The following SFMBT2 variants were observed in gnomAD, a reference collection of about 807,000 sequenced individuals.
SFMBT2 encodes the protein scm-like with four MBT domains protein 2.
Under a neutral mutation model 110.1 loss-of-function variants are expected in SFMBT2, and 38 were observed. That is an observed-to-expected ratio of 0.35 (90% CI 0.27 to 0.45). The LOEUF (loss-of-function observed/expected upper bound fraction) is 0.45. Among genes scored for constraint, SFMBT2 ranks in the 20% least tolerant of loss-of-function variants. The pLI, the probability that SFMBT2 is intolerant of heterozygous loss-of-function variation, is 1.00. For synonymous variants in SFMBT2, 425 were observed against 425.4 expected (o/e 1.00, Z 0.01); for missense variants, 1,011 against 1,094.9 (o/e 0.92, Z 1.08).
chr10:7,239,215 T>C (rs1427314424), intron 9 of SFMBT2, among the ~76,000 whole-genome samples: 2 of 152,238 alleles, frequency 1.3e-5, no homozygotes, highest in Non-Finnish European at 2.9e-5. Flanking sequence ...ATTGTAATTG[T>C]AGGCAGCATC....
rs140219168 is a variant in SFMBT2 at position 7,267,152 on chromosome 10, G to A, written c.870+9740C>T. Among the ~76,000 whole-genome samples, 68 of 152,230 alleles carry A rather than the reference G, an allele frequency of 4.5e-4. 1 individual carries two copies. Among genetic ancestry groups the A allele is most frequent in the African/African-American group, 1.3e-3 (55 of 41,532 alleles). On this transcript the variant is annotated intron_variant, in intron 7 of 20. Coordinates refer to ENST00000397167, the MANE Select transcript of SFMBT2 (RefSeq NM_001387889.1). ...CTGAGCACTGAGTGTCTAAGGAACTGCCCTGGTAGAAGAGTACCTGGCACC... is the reference window on the plus strand; with the variant it reads ...CTGAGCACTGAGTGTCTAAGGAACTACCCTGGTAGAAGAGTACCTGGCACC...
chr10:7,354,394 T>C (rs1291243479), intron 4 of SFMBT2, among the ~76,000 whole-genome samples: 1 of 152,160 alleles, frequency 6.6e-6, no homozygotes, highest in Non-Finnish European at 1.5e-5. Context: ...TAAACTGGTG[T>C]GTCTGCATGT....
Position 7,320,476 on chromosome 10 carries a change from T to C in SFMBT2, c.437-34522A>G, listed in dbSNP as rs147361810. Reference sequence around the variant, plus strand: ...GAAAAAATGAGCTTATCCTTTGAAATCTTCTTTCCTTCTATTTTTTTCCTG... The same window carrying C: ...GAAAAAATGAGCTTATCCTTTGAAACCTTCTTTCCTTCTATTTTTTTCCTG... On this transcript the variant is annotated intron_variant, in intron 4 of 20. Transcript: ENST00000397167. 9.4e-4 allele frequency: 476 copies of C among 508,288 alleles called. 2 individuals are homozygous for C. Among genetic ancestry groups the C allele is most frequent in the South Asian group, 3.2e-3 (38 of 11,926 alleles). The allele number at this position is 508,288 out of a possible 1,614,324, so 31.5% of individuals were successfully genotyped here. A position where few individuals can be genotyped will look rare whatever the true frequency, so the allele number is the denominator to read the frequency against.
intron 4 of SFMBT2, among the ~76,000 whole-genome samples, chr10:7,334,530 C>T (rs1843658736): frequency 6.6e-6 from 1 of 152,170 alleles, no homozygotes; most frequent in Non-Finnish European, 1.5e-5. Flanking sequence ...ACAACCAGGA[C>T]CACAACAGAG....
intron 3 of SFMBT2, 121 bp from the exon 4 acceptor site, chr10:7,368,010 G>C (rs1238048212): frequency 1.4e-6 from 2 of 1,386,402 alleles, no homozygotes; most frequent in Non-Finnish European, 1.9e-6. Context: ...TCTAAAACAG[G>C]CATGTATTTA....
At chr10:7,167,470 G>A (rs958559612) in intron 20 of SFMBT2, among the ~76,000 whole-genome samples, 2 of 152,110 alleles carry the variant, frequency 1.3e-5, no homozygotes, top group African/African-American at 4.8e-5. Context: ...CATTTATAAC[G>A]TTCAGGGCCT....
chr10:7,348,182 G>A, intron 4 of SFMBT2: 1 of 771,482 alleles, frequency 1.3e-6, no homozygotes, highest in Non-Finnish European at 1.9e-6. Flanking sequence ...GCTTTTCAAA[G>A]GGTTTGGGTT....
At chr10:7,227,779 TA>T (rs2131671294) in intron 10 of SFMBT2, 75 bp downstream of exon 10, 3 of 1,331,882 alleles carry the variant, frequency 2.3e-6, no homozygotes, top group East Asian at 2.3e-5. Context: ...GCTTCATCAA[TA>T]AAAAGCAAGT....
intron 11 of SFMBT2, among the ~76,000 whole-genome samples, chr10:7,211,839 G>A (rs931862852): frequency 5.9e-5 from 9 of 152,214 alleles, no homozygotes; most frequent in East Asian, 1.9e-4. Context: ...TGCCAGTTAC[G>A]GAAAAACTTA....
intron 9 of SFMBT2, chr10:7,228,239 G>T: frequency 3.8e-6 from 1 of 264,586 alleles, no homozygotes; most frequent in Non-Finnish European, 5.8e-6. Context: ...GCCAGGATAT[G>T]GCATAAAATA....
intron 4 of SFMBT2, among the ~76,000 whole-genome samples, chr10:7,342,677 G>A (rs1443094876): frequency 2.0e-5 from 3 of 151,932 alleles, no homozygotes; most frequent in South Asian, 2.1e-4. Flanking sequence ...GATTACAGGC[G>A]TGAGCCACCA....
chr10:7,269,975 A>G (rs1817261830), intron 7 of SFMBT2, among the ~76,000 whole-genome samples: 1 of 152,024 alleles, frequency 6.6e-6, no homozygotes, highest in Non-Finnish European at 1.5e-5. Flanking sequence ...ATTTCTGTAC[A>G]TACATGAAAT....
Position 7,172,358 on chromosome 10 carries a change from G to C in SFMBT2, c.2151+137C>G. ...TACATTTGTTTTCAGCAAGTAAGGAGGAGGGGGCTCTTCTTCAGTGTTTCT... is the reference window on the plus strand; with the variant it reads ...TACATTTGTTTTCAGCAAGTAAGGACGAGGGGGCTCTTCTTCAGTGTTTCT... On this transcript the variant is annotated intron_variant, in intron 18 of 20. Coordinates refer to ENST00000397167, the MANE Select transcript of SFMBT2 (RefSeq NM_001387889.1). The surrounding 1 kb of genome is among the most constrained non-coding windows in gnomAD (Gnocchi z 4.6). 2 of 1,503,694 alleles carry C rather than the reference G, an allele frequency of 1.3e-6. No homozygotes were observed. The highest frequency in any genetic ancestry group is 8.9e-7 in the Non-Finnish European group (1 of 1,128,594). The allele number at this position is 1,503,694 out of a possible 1,614,324, so 93.1% of individuals were successfully genotyped here. A position where few individuals can be genotyped will look rare whatever the true frequency, so the allele number is the denominator to read the frequency against.
At chr10:7,284,304 T>C (rs1842027713) in intron 5 of SFMBT2, 154 bp from the exon 6 acceptor site, 2 of 1,254,780 alleles carry the variant, frequency 1.6e-6, no homozygotes, top group Non-Finnish European at 2.1e-6. Context: ...GCCCAGCCCA[T>C]GCCCCACCCC....
chr10:7,344,694 C>T (rs113378439), intron 4 of SFMBT2, among the ~76,000 whole-genome samples: 2 of 152,080 alleles, frequency 1.3e-5, no homozygotes, highest in African/African-American at 2.4e-5. Context: ...GGGCCAGGCG[C>T]GGTGGCTCAT....
intron 8 of SFMBT2, among the ~76,000 whole-genome samples, chr10:7,244,551 T>C (rs1214330863): frequency 1.3e-5 from 2 of 151,956 alleles, no homozygotes; most frequent in Admixed American, 1.3e-4. Context: ...GAAACATCAA[T>C]GAAGAAATAA....
At chr10:7,214,418 C>T (rs1356609012) in intron 11 of SFMBT2, among the ~76,000 whole-genome samples, 1 of 152,222 alleles carries the variant, frequency 6.6e-6, no homozygotes, top group Non-Finnish European at 1.5e-5. Flanking sequence ...AACTAACCCA[C>T]CTCCACCAAC....
chr10:7,219,480 T>C (rs564871435), intron 11 of SFMBT2, among the ~76,000 whole-genome samples: 1 of 152,358 alleles, frequency 6.6e-6, no homozygotes, highest in South Asian at 2.1e-4. Flanking sequence ...TGTAGGCTTA[T>C]TTAAGACCTT....
intron 4 of SFMBT2, among the ~76,000 whole-genome samples, chr10:7,291,834 C>T (rs867642360): frequency 5.3e-5 from 8 of 152,266 alleles, no homozygotes; most frequent in Middle Eastern, 6.8e-3. Flanking sequence ...GTTGTACCCA[C>T]GGCAGGGGTG....
Sources: allele counts gnomAD v4.1 joint callset (sites outside exome capture counted in the v4.1 genomes callset), GRCh38; gene constraint gnomAD v4.1.1; non-coding constraint Gnocchi (gnomAD v3.1); transcripts MANE v1.5; gene names NCBI Gene and HGNC (gene_info 2026-07-23, HGNC 2026-07-21).